Variants in ZNF423 observed in about 807,000 individuals in gnomAD.
ZNF423 encodes the protein zinc finger protein 423.
Under a neutral mutation model 95.8 loss-of-function variants are expected in ZNF423, and 12 were observed. That is an observed-to-expected ratio of 0.13 (90% CI 0.08 to 0.20). ZNF423 has a LOEUF of 0.20. ZNF423 is among the 10% of genes least tolerant of loss of function. The probability of loss-of-function intolerance (pLI) is 1.00; values close to 1 mark genes in which losing one functional copy is unlikely to be tolerated. For missense variants in ZNF423, 1,316 were observed against 1,737.1 expected (o/e 0.76, Z 4.31); for synonymous variants, 749 against 711.9 (o/e 1.05, Z -0.83).
At chr16:49,558,383 G>T (rs1969907290) in intron 5 of ZNF423, among the ~76,000 whole-genome samples, 1 of 152,202 alleles carries the variant, frequency 6.6e-6, no homozygotes, top group South Asian at 2.1e-4. Flanking sequence ...GGGGCAAGGA[G>T]AGAAAGTTCC....
chr16:49,780,644 C>G (rs552594173), intron 2 of ZNF423: 1 of 152,094 alleles, frequency 6.6e-6, no homozygotes, highest in Non-Finnish European at 1.5e-5. Context: ...AGGCGCAGCC[C>G]GGGCTGCCTG....
intron 2 of ZNF423, among the ~76,000 whole-genome samples, chr16:49,757,640 C>A (rs1228014370): frequency 1.3e-5 from 2 of 152,212 alleles, no homozygotes; most frequent in African/African-American, 4.8e-5. Flanking sequence ...CACGTGACCA[C>A]CTGCCTCCAA....
intron 5 of ZNF423, among the ~76,000 whole-genome samples, chr16:49,536,751 A>G (rs572192271): frequency 2.0e-5 from 3 of 152,352 alleles, no homozygotes; most frequent in Admixed American, 2.0e-4. Context: ...AGTTGAATAT[A>G]TTTAAACATT....
intron 1 of ZNF423, among the ~76,000 whole-genome samples, chr16:49,806,975 C>T (rs1323750275): frequency 8.2e-5 from 12 of 146,278 alleles, no homozygotes; most frequent in African/African-American, 2.8e-4. Flanking sequence ...TGCAGCGAGC[C>T]GAGATCGTGC....
Position 49,560,045 on chromosome 16 carries a change from G to A in ZNF423, c.3602-34551C>T, listed in dbSNP as rs1050972880. On this transcript the variant is annotated intron_variant, in intron 5 of 7. Transcript: ENST00000563137. ...CACAGTAGCCTGAGAGCAGGGTACC[G>A]AGTAGAACATATGCTCTGTATGGCT... Among the ~76,000 whole-genome samples, 5 of 152,188 alleles carry A rather than the reference G, an allele frequency of 3.3e-5. No homozygotes were observed. The East Asian group carries it at 5.8e-4, about 18-fold the overall frequency.
chr16:49,697,818 G>A (rs1431629176), intron 3 of ZNF423, among the ~76,000 whole-genome samples: 2 of 152,242 alleles, frequency 1.3e-5, no homozygotes, highest in Non-Finnish European at 2.9e-5. Context: ...CCTACGGTGC[G>A]GGCAGGCGGC....
intron 1 of ZNF423, among the ~76,000 whole-genome samples, chr16:49,839,216 G>T (rs1050153351): frequency 6.6e-6 from 1 of 151,944 alleles, no homozygotes; most frequent in African/African-American, 2.4e-5. Flanking sequence ...ACTCCAGGGG[G>T]ACCGTGGAGG....
rs549987470 is a variant in ZNF423, at chr16:49,492,469, C to A, written c.3850-1165G>T. On this transcript the variant is annotated intron_variant, in intron 7 of 7. Coordinates refer to ENST00000563137, the MANE Select transcript of ZNF423 (RefSeq NM_001379286.1). This position sits in a 1 kb window ranked among gnomAD's most constrained non-coding sequence, Gnocchi z 4.2. ...TGATGCCAGTAGCCTCGCCCGGAGG[C>A]CGAGGCCGGGGCCGGGGCCGGGGCC... Among the ~76,000 whole-genome samples the A allele has an allele frequency of 4.9e-3, 747 of 151,422 alleles. 1 individual carries two copies. Among genetic ancestry groups the A allele is most frequent in the Middle Eastern group, 0.01 (3 of 292 alleles).
At chr16:49,592,908 G>A (rs1261198153) in intron 5 of ZNF423, among the ~76,000 whole-genome samples, 2 of 152,216 alleles carry the variant, frequency 1.3e-5, no homozygotes, top group Admixed American at 1.3e-4. Flanking sequence ...CCATAAACAG[G>A]GAAGAAGATA....
intron 2 of ZNF423, among the ~76,000 whole-genome samples, chr16:49,753,146 A>C (rs2033662458): frequency 6.6e-6 from 1 of 152,070 alleles, no homozygotes; most frequent in African/African-American, 2.4e-5. Context: ...TGGGAGACTG[A>C]GGCAGGAGAA....
intron 7 of ZNF423, chr16:49,517,940 G>C (rs1386735360): frequency 1.5e-5 from 7 of 453,530 alleles, no homozygotes; most frequent in South Asian, 7.9e-5. Flanking sequence ...CTGATCAAAA[G>C]ACCATTGTTT....
intron 3 of ZNF423, among the ~76,000 whole-genome samples, chr16:49,681,507 G>A (rs904827712): frequency 6.6e-6 from 1 of 152,198 alleles, no homozygotes; most frequent in Admixed American, 6.5e-5. Context: ...TATAAACCTT[G>A]GTGCTGGAAG....
At chr16:49,597,881 T>C (rs1266238469) in intron 5 of ZNF423, among the ~76,000 whole-genome samples, 1 of 152,194 alleles carries the variant, frequency 6.6e-6, no homozygotes, top group African/African-American at 2.4e-5. Flanking sequence ...AGCCCTGGCC[T>C]TGTTCATTCC....
At chr16:49,821,918 G>A (rs2144025922) in intron 1 of ZNF423, among the ~76,000 whole-genome samples, 1 of 152,310 alleles carries the variant, frequency 6.6e-6, no homozygotes, top group African/African-American at 2.4e-5. Context: ...CCATGAAAGG[G>A]CCTCTGGGGG....
chr16:49,512,824 G>A (rs542704310), intron 7 of ZNF423, among the ~76,000 whole-genome samples: 2 of 152,170 alleles, frequency 1.3e-5, no homozygotes, highest in African/African-American at 2.4e-5. Context: ...GGCTGGGCAC[G>A]GTGGCCCATA....
intron 5 of ZNF423, among the ~76,000 whole-genome samples, chr16:49,609,659 T>C (rs969729035): frequency 1.3e-5 from 2 of 151,594 alleles, no homozygotes; most frequent in Non-Finnish European, 2.9e-5. Flanking sequence ...AAATAGGAGA[T>C]AGAATAATAA....
rs372847544 is a variant in ZNF423, at chr16:49,637,325, A to G, written c.1851T>C (p.Asp617=). 3.1e-6 allele frequency: 5 copies of G among 1,614,214 alleles called. No individual in the cohort carries two copies. Among genetic ancestry groups the G allele is most frequent in the East Asian group, 2.2e-5 (1 of 44,878 alleles). ...GCCGCTTCGGGGAAGACACCTCCAC[A>G]TCGGACGAGACTGGGCTCTGCTCGG... ...SKAEQSPVSS[D]VEVSSPKRQR... The change falls in exon 4 of 8, where the codon GAT becomes GAC. Residue 617 remains aspartate, a synonymous_variant. Transcript: ENST00000563137. This position sits in a 1 kb window ranked among gnomAD's most constrained non-coding sequence, Gnocchi z 5.6.
intron 2 of ZNF423, 68 bp from the exon 3 acceptor site, chr16:49,731,039 C>T: frequency 2.0e-6 from 3 of 1,536,888 alleles, no homozygotes; most frequent in Non-Finnish European, 2.7e-6. Flanking sequence ...AAAAGAATCG[C>T]CCGGCATTTA....
At chr16:49,854,464 G>T in intron 1 of ZNF423, 1 of 985,440 alleles carries the variant, frequency 1.0e-6, no homozygotes. Context: ...GCCTTCCCGC[G>T]CAGGCCTCCA....
Sources: allele counts gnomAD v4.1 joint callset (sites outside exome capture counted in the v4.1 genomes callset), GRCh38; gene constraint gnomAD v4.1.1; non-coding constraint Gnocchi (gnomAD v3.1); transcripts MANE v1.5; gene names NCBI Gene and HGNC (gene_info 2026-07-23, HGNC 2026-07-21).